Variants in PCDHA10 observed in about 807,000 individuals in gnomAD.
PCDHA10 encodes the protein protocadherin alpha-10.
A neutral mutation model predicts 61.2 loss-of-function variants in PCDHA10; 45 were observed. That is an observed-to-expected ratio of 0.74 (90% confidence interval 0.58 to 0.94). PCDHA10 has a LOEUF of 0.94. Among genes scored for constraint, PCDHA10 ranks in the 40% least tolerant of loss-of-function variants. The pLI is 0.00. For synonymous variants in PCDHA10, 602 were observed against 548.8 expected (o/e 1.10, Z -1.35); for missense variants, 1,278 against 1,236.2 (o/e 1.03, Z -0.51).
chr5:140,967,762 G>A, intron 1 of PCDHA10: 1 of 1,614,216 alleles, frequency 6.2e-7, no homozygotes, highest in Non-Finnish European at 8.5e-7. Flanking sequence ...CCTCCTACCA[G>A]ATCTATGTGC....
intron 1 of PCDHA10, among the ~76,000 whole-genome samples, chr5:140,898,521 AGGG>A (rs1583310812): frequency 6.6e-6 from 1 of 152,252 alleles, no homozygotes; most frequent in East Asian, 1.9e-4. Context: ...GTTATTTCTG[AGGG>A]CTCTGTTCTG....
Position 140,858,600 on chromosome 5 carries a change from TA to T in PCDHA10, c.2388+168del, listed in dbSNP as rs1554151860. 9.3e-6 allele frequency: 12 copies of T among 1,293,864 alleles called. 1 individual carries two copies. Among genetic ancestry groups the T allele is most frequent in the Non-Finnish European group, 1.3e-5 (12 of 949,282 alleles). 80.1% of individuals were successfully genotyped at this position (1,293,864 alleles called of 1,614,324 possible). ...GTAATATAATTTATTCCAGGAGTTT[TA>T]AAATTTTTTTATCCTACCCAGTGTG... is the stretch of plus-strand genomic sequence containing the variant. On this transcript the variant is annotated intron_variant, in intron 1 of 3. Coordinates refer to ENST00000307360, the MANE Select transcript of PCDHA10 (RefSeq NM_018901.4).
intron 3 of PCDHA10, among the ~76,000 whole-genome samples, chr5:140,986,372 G>C (rs570215048): frequency 2.1e-4 from 32 of 152,248 alleles, no homozygotes; most frequent in Admixed American, 5.2e-4. Context: ...ATGCGTTTTG[G>C]GGGGAGGGAC....
At chr5:140,943,600 A>G (rs996134923) in intron 1 of PCDHA10, among the ~76,000 whole-genome samples, 1 of 152,198 alleles carries the variant, frequency 6.6e-6, no homozygotes, top group African/African-American at 2.4e-5. Context: ...AATTCTAAAT[A>G]TAGACTTTGA....
At chr5:140,902,442 T>G (rs1182491503) in intron 1 of PCDHA10, among the ~76,000 whole-genome samples, 1 of 152,166 alleles carries the variant, frequency 6.6e-6, no homozygotes, top group Non-Finnish European at 1.5e-5. Flanking sequence ...CCTTGTCATA[T>G]TCTAGATCCT....
intron 1 of PCDHA10, chr5:140,969,244 G>C: frequency 6.2e-7 from 1 of 1,614,206 alleles, no homozygotes; most frequent in Non-Finnish European, 8.5e-7. Flanking sequence ...AAGCAGCAGT[G>C]ACTGACAGCA....
chr5:141,002,656 C>T lies in PCDHA10; in HGVS notation c.2537-6971C>T, dbSNP rs115710244. Among the ~76,000 whole-genome samples the T allele has an allele frequency of 3.7e-3, 571 of 152,302 alleles. 5 individuals are homozygous for T. The highest frequency in any genetic ancestry group is 0.013 in the African/African-American group (539 of 41,574). On this transcript the variant is annotated intron_variant, in intron 3 of 3. Coordinates refer to ENST00000307360, the MANE Select transcript of PCDHA10 (RefSeq NM_018901.4). The stretch of plus-strand genomic sequence containing the variant: ...CTAGAAATGTCTACTTCATAGGGCT[C>T]TTGTCAGGACCAAAACCTATACGAC...
chr5:140,887,221 C>G lies in PCDHA10; in HGVS notation c.2388+28785C>G, dbSNP rs149306651. ...ACGCCATTCTCCTGCCTCAGCCTCCCGAGTAGCTGAGACTACCGGCGCCCG... is the reference window on the plus strand; with the variant it reads ...ACGCCATTCTCCTGCCTCAGCCTCCGGAGTAGCTGAGACTACCGGCGCCCG... On this transcript the variant is annotated intron_variant, in intron 1 of 3. Transcript: ENST00000307360. Among the ~76,000 whole-genome samples, 1,413 of 151,972 alleles carry G rather than the reference C, an allele frequency of 9.3e-3. 17 individuals carry two copies. The highest frequency in any genetic ancestry group is 0.033 in the African/African-American group (1,349 of 41,450).
At chr5:140,858,788 T>C (rs528259521) in intron 1 of PCDHA10, 5 of 390,400 alleles carry the variant, frequency 1.3e-5, no homozygotes, top group Middle Eastern at 1.4e-3. Flanking sequence ...TCATGTTATT[T>C]CATTTCCAAT....
At chr5:140,912,200 T>C (rs191284675) in intron 1 of PCDHA10, among the ~76,000 whole-genome samples, 123 of 152,280 alleles carry the variant, frequency 8.1e-4, no homozygotes, top group African/African-American at 2.8e-3. Flanking sequence ...CCCACCCAGA[T>C]TGAGGGTAGA....
chr5:140,924,704 G>A (rs6883852), intron 1 of PCDHA10, among the ~76,000 whole-genome samples: 1 of 152,052 alleles, frequency 6.6e-6, no homozygotes, highest in Non-Finnish European at 1.5e-5. Flanking sequence ...AGACCAGCTT[G>A]TGCAACATGG....
chr5:140,875,529 G>T (rs369713851), intron 1 of PCDHA10: 5 of 1,613,994 alleles, frequency 3.1e-6, no homozygotes, highest in Admixed American at 1.7e-5. Context: ...TCTCGCTTCT[G>T]CTCCTTGCAG....
chr5:140,894,375 T>A (rs1246573357), intron 1 of PCDHA10, among the ~76,000 whole-genome samples: 1 of 152,054 alleles, frequency 6.6e-6, no homozygotes, highest in African/African-American at 2.4e-5. Flanking sequence ...ATGGCTCCAA[T>A]TATATTTGTA....
At chr5:141,003,762 G>A (rs1295345972) in intron 3 of PCDHA10, among the ~76,000 whole-genome samples, 1 of 152,146 alleles carries the variant, frequency 6.6e-6, no homozygotes, top group East Asian at 1.9e-4. Flanking sequence ...AATTATGGTC[G>A]TATTCTGTTA....
chr5:140,934,704 T>C (rs185443398), intron 1 of PCDHA10, among the ~76,000 whole-genome samples: 134 of 152,288 alleles, frequency 8.8e-4, no homozygotes, highest in Non-Finnish European at 1.6e-3. Context: ...TTCCTGGCCA[T>C]CTTACAAAAA....
intron 1 of PCDHA10, among the ~76,000 whole-genome samples, chr5:140,907,969 A>C (rs1355560411): frequency 1.3e-5 from 2 of 152,204 alleles, no homozygotes; most frequent in African/African-American, 4.8e-5. Flanking sequence ...CCAATTTTCC[A>C]ATCATGCTTC....
intron 1 of PCDHA10, chr5:140,871,048 C>G (rs1472650820): frequency 6.2e-7 from 1 of 1,613,230 alleles, no homozygotes; most frequent in Non-Finnish European, 8.5e-7. Flanking sequence ...ACTTCTAGTA[C>G]TGGTGAAGGA....
Position 140,884,599 on chromosome 5 carries a change from T to C in PCDHA10, c.2388+26163T>C, listed in dbSNP as rs1490825306. 3 of 1,614,042 alleles carry C rather than the reference T, an allele frequency of 1.9e-6. No homozygotes were observed. In the East Asian group the frequency reaches 6.7e-5, roughly 36 times the overall value. ...TCATGGCCTTCAGTCCCAGCCTTCC[T>C]CCTTGTCTGGGTTCTGCAGAGGGAA... On this transcript the variant is annotated intron_variant, in intron 1 of 3. Transcript: ENST00000307360.
Position 140,927,380 on chromosome 5 carries a change from T to A in PCDHA10, c.2389-51569T>A, listed in dbSNP as rs1245076146. 1 of 1,614,198 alleles carries A rather than the reference T, an allele frequency of 6.2e-7. No individual in the cohort carries two copies. Among genetic ancestry groups the A allele is most frequent in the African/African-American group, 1.3e-5 (1 of 75,060 alleles). On this transcript the variant is annotated intron_variant, in intron 1 of 3. Transcript: ENST00000307360. ...AGCAATGGGATACTAAGCTACAGCCTAAGCCCCAGTCAGCACTTTCGCCTG... is the reference window on the plus strand; with the variant it reads ...AGCAATGGGATACTAAGCTACAGCCAAAGCCCCAGTCAGCACTTTCGCCTG...
Sources: gnomAD v4.1 joint callset for allele counts (sites outside exome capture counted in the v4.1 genomes callset) on GRCh38, gnomAD v4.1.1 for gene constraint, MANE v1.5 for transcripts, NCBI Gene and HGNC (gene_info 2026-07-23, HGNC 2026-07-21) for gene names.